Variants in ARB2A observed in about 807,000 individuals in gnomAD.
ARB2A encodes the protein cotranscriptional regulator ARB2A.
the ARB2A span, among the ~76,000 whole-genome samples, chr5:93,766,423 A>T: frequency 2.0e-5 from 3 of 152,206 alleles, no homozygotes; most frequent in Admixed American, 2.0e-4. Context: ...ATGCAGCCAA[A>T]AGACACATGA....
At chr5:93,709,165 T>C in the ARB2A span, among the ~76,000 whole-genome samples, 7 of 152,230 alleles carry the variant, frequency 4.6e-5, no homozygotes, top group East Asian at 1.4e-3. Context: ...TTTTGTCAAT[T>C]ATGCCCCAAT....
At chr5:93,842,217 G>T in the ARB2A span, among the ~76,000 whole-genome samples, 1 of 152,152 alleles carries the variant, frequency 6.6e-6, no homozygotes, top group Non-Finnish European at 1.5e-5. Context: ...TGAAAGTAAC[G>T]GGTTAGAAAA....
the ARB2A span, among the ~76,000 whole-genome samples, chr5:94,037,129 G>C: frequency 5.3e-5 from 8 of 152,048 alleles, no homozygotes; most frequent in Non-Finnish European, 1.0e-4. Flanking sequence ...TGTTCAGTTG[G>C]TCTGTGGGTC....
the ARB2A span, among the ~76,000 whole-genome samples, chr5:93,999,957 T>A: frequency 6.6e-6 from 1 of 152,118 alleles, no homozygotes; most frequent in African/African-American, 2.4e-5. Flanking sequence ...AATATATGGT[T>A]AAGATTCCTC....
At chr5:93,829,956 ATTATT>A in the ARB2A span, among the ~76,000 whole-genome samples, 1 of 152,146 alleles carries the variant, frequency 6.6e-6, no homozygotes, top group African/African-American at 2.4e-5. Flanking sequence ...CTTTATAGTT[ATTATT>A]TAAACTAACC....
At chr5:93,770,706 G>A in the ARB2A span, among the ~76,000 whole-genome samples, 1 of 152,132 alleles carries the variant, frequency 6.6e-6, no homozygotes, top group Non-Finnish European at 1.5e-5. Flanking sequence ...ATTCACAATT[G>A]CTTCAAAGAG....
chr5:93,940,237 G>A, the ARB2A span, among the ~76,000 whole-genome samples: 3 of 151,988 alleles, frequency 2.0e-5, no homozygotes, highest in Non-Finnish European at 4.4e-5. Context: ...AAATATGAAA[G>A]TACATTATTC....
chr5:93,925,548 T>TA, the ARB2A span, among the ~76,000 whole-genome samples: 1 of 152,108 alleles, frequency 6.6e-6, no homozygotes, highest in Non-Finnish European at 1.5e-5. Context: ...ATATCCTGAG[T>TA]AAAACAAAGT....
the ARB2A span, among the ~76,000 whole-genome samples, chr5:93,960,087 C>CT: frequency 2.8e-5 from 4 of 144,058 alleles, no homozygotes; most frequent in African/African-American, 1.1e-4. Flanking sequence ...AGATGCCCCC[C>CT]CCCCCCCCAA....
chr5:93,766,084 C>T, the ARB2A span, among the ~76,000 whole-genome samples: 2 of 152,128 alleles, frequency 1.3e-5, no homozygotes, highest in African/African-American at 4.8e-5. Context: ...CCATAAAAAT[C>T]CTAGAAGAAA....
chr5:93,770,108 T>C, the ARB2A span, among the ~76,000 whole-genome samples: 7 of 152,274 alleles, frequency 4.6e-5, no homozygotes, highest in South Asian at 8.3e-4. Flanking sequence ...TAGAAATAGA[T>C]GCTCTTAAAC....
chr5:93,865,928 G>A, the ARB2A span: 1 of 985,382 alleles, frequency 1.0e-6, no homozygotes, highest in South Asian at 4.7e-5. Flanking sequence ...TGCCCCATAA[G>A]GGCACTCAGT....
At chr5:93,772,976 GACA>G in the ARB2A span, among the ~76,000 whole-genome samples, 1 of 152,240 alleles carries the variant, frequency 6.6e-6, no homozygotes. Flanking sequence ...ACTGCTAGGT[GACA>G]ACACCTTGTG....
At chr5:94,064,175 T>C in the ARB2A span, among the ~76,000 whole-genome samples, 1 of 151,930 alleles carries the variant, frequency 6.6e-6, no homozygotes, top group Non-Finnish European at 1.5e-5. Context: ...CAATCAGAAA[T>C]CCTGGAACTG....
At chr5:93,845,404 C>G in the ARB2A span, among the ~76,000 whole-genome samples, 1 of 152,154 alleles carries the variant, frequency 6.6e-6, no homozygotes, top group Non-Finnish European at 1.5e-5. Flanking sequence ...GAGAAGGTCC[C>G]AAAATGTTGC....
the ARB2A span, among the ~76,000 whole-genome samples, chr5:93,844,429 G>A: frequency 8.2e-4 from 124 of 151,706 alleles, no homozygotes; most frequent in East Asian, 0.01. Context: ...GGGGTAGAGT[G>A]AGACTCCATC....
At chr5:93,986,172 G>T in the ARB2A span, among the ~76,000 whole-genome samples, 1 of 150,688 alleles carries the variant, frequency 6.6e-6, no homozygotes, top group Non-Finnish European at 1.5e-5. Context: ...GAAGTGAGGA[G>T]CGCCTCTGCC....
At chr5:93,815,149 C>G in the ARB2A span, among the ~76,000 whole-genome samples, 58 of 152,278 alleles carry the variant, frequency 3.8e-4, no homozygotes, top group East Asian at 8.9e-3. Context: ...AGCCAAGAAA[C>G]ACTTTCAATC....
At chr5:93,648,813 C>T in the ARB2A span, among the ~76,000 whole-genome samples, 2 of 152,060 alleles carry the variant, frequency 1.3e-5, no homozygotes, top group Admixed American at 6.6e-5. Flanking sequence ...TAATTTGTCC[C>T]GATTTCTTTA....
Sources: gnomAD v4.1 joint callset for allele counts (sites outside exome capture counted in the v4.1 genomes callset) on GRCh38, gnomAD v4.1.1 for gene constraint, MANE v1.5 for transcripts, NCBI Gene and HGNC (gene_info 2026-07-23, HGNC 2026-07-21) for gene names.